The following ATP6V1B1 variants were observed in gnomAD, a reference collection of about 807,000 sequenced individuals.
The protein encoded by ATP6V1B1 is ATPase H+ transporting V1 subunit B1.
ATP6V1B1 carries 41 observed loss-of-function variants against 62.1 expected under a neutral mutation model. That is an observed-to-expected ratio of 0.66 (90% CI 0.51 to 0.86). The LOEUF (loss-of-function observed/expected upper bound fraction) is 0.86. Ranked by LOEUF, ATP6V1B1 falls within the 40% of genes least tolerant of loss-of-function variation. The pLI is 0.00. For synonymous variants in ATP6V1B1, 253 were observed against 273.4 expected, an observed-to-expected ratio of 0.93 and a Z score of 0.74; for missense variants, 651 against 697.5, an observed-to-expected ratio of 0.93 and a Z score of 0.75.
intron 2 of ATP6V1B1, among the ~76,000 whole-genome samples, chr2:70,944,409 C>T (rs1351659781): frequency 6.6e-6 from 1 of 152,086 alleles, no homozygotes; most frequent in Non-Finnish European, 1.5e-5. Flanking sequence ...GCCCCACTCC[C>T]TCAGCCTCCC....
chr2:70,940,991 A>AC, intron 1 of ATP6V1B1: 1 of 829,292 alleles, frequency 1.2e-6, no homozygotes, highest in Non-Finnish European at 1.4e-6. Context: ...ATCAGAGCTC[A>AC]CCGCAGCCTC....
At chr2:70,961,558 C>T (rs1553420102) in intron 7 of ATP6V1B1, 38 bp from the exon 8 acceptor site, 1 of 1,605,752 alleles carries the variant, frequency 6.2e-7, no homozygotes, top group Admixed American at 1.7e-5. Flanking sequence ...CCTCAGGCCA[C>T]AGGGCCCTAC....
intron 2 of ATP6V1B1, among the ~76,000 whole-genome samples, chr2:70,956,970 T>C (rs1419703679): frequency 6.6e-6 from 1 of 152,224 alleles, no homozygotes; most frequent in Non-Finnish European, 1.5e-5. Flanking sequence ...TAATAACTAT[T>C]GATGTTGAGT....
intron 11 of ATP6V1B1, chr2:70,964,180 T>G: frequency 2.3e-6 from 1 of 439,290 alleles, no homozygotes; most frequent in Non-Finnish European, 4.1e-6. Flanking sequence ...TTGTCCACAT[T>G]ATCAAAAGTT....
rs145090491 is a variant in ATP6V1B1 at position 70,962,797 on chromosome 2, C to A, written c.806C>A (p.Pro269Gln). The A allele has an allele frequency of 2.5e-6, 4 of 1,614,064 alleles. No individual in the cohort carries two copies. The South Asian group carries it at 3.3e-5, about 13-fold the overall frequency. ...NDPTIERIIT[P>Q]RLALTTAEFL... ...TCCAGGATCGAGCGGATCATCACCC[C>A]GCGCCTGGCGCTGACCACTGCTGAA... The change falls in exon 9 of 14, where the codon CCG (proline) becomes CAG (glutamine). Residue 269 changes from proline to glutamine, a missense_variant. Transcript: ENST00000234396.
At chr2:70,961,121 A>G in intron 7 of ATP6V1B1, 99 bp downstream of exon 7, 1 of 1,297,344 alleles carries the variant, frequency 7.7e-7, no homozygotes, top group East Asian at 2.6e-5. Context: ...GGAAGCCATC[A>G]GTGTCCCGGC....
rs1453472270 is a variant in ATP6V1B1, at chr2:70,944,249, C to A, written c.174+536C>A. 7.8e-6 allele frequency: 10 copies of A among 1,286,438 alleles called. No homozygotes were observed. The African/African-American group carries it at 1.4e-4, about 18-fold the overall frequency. The allele number at this position is 1,286,438 out of a possible 1,614,324, so 79.7% of individuals were successfully genotyped here. ...TGGGTGGTAAGTGAAGTGGGCCCCA[C>A]CAAAGGTAAGTGGGCTGTGGGCTAT... On this transcript the variant is annotated intron_variant, in intron 2 of 13. Coordinates refer to ENST00000234396, the MANE Select transcript of ATP6V1B1 (RefSeq NM_001692.4).
intron 1 of ATP6V1B1, 158 bp from the exon 2 acceptor site, chr2:70,943,500 A>C: frequency 1.3e-6 from 1 of 792,950 alleles, no homozygotes; most frequent in South Asian, 1.5e-5. Context: ...TGACCCTTAC[A>C]GCAATGGTGG....
At chr2:70,942,006 G>GA in intron 1 of ATP6V1B1, 1 of 1,053,182 alleles carries the variant, frequency 9.5e-7, no homozygotes, top group Middle Eastern at 4.4e-4. Flanking sequence ...AGGAACTGGA[G>GA]AAGGACTGGG....
intron 1 of ATP6V1B1, chr2:70,942,059 T>C (rs1166996525): frequency 7.0e-6 from 8 of 1,142,850 alleles, no homozygotes; most frequent in African/African-American, 3.2e-5. Context: ...CAGAGCTTCA[T>C]GGGAAGACAA....
intron 2 of ATP6V1B1, among the ~76,000 whole-genome samples, chr2:70,944,427 C>G (rs78665056): frequency 0.01 from 1,573 of 151,946 alleles, 20 homozygotes; most frequent in African/African-American, 0.036. Context: ...CCCACCCCAC[C>G]TCCTAGCTGA....
intron 2 of ATP6V1B1, among the ~76,000 whole-genome samples, chr2:70,950,010 AT>A (rs1311286378): frequency 3.9e-5 from 6 of 152,104 alleles, no homozygotes; most frequent in African/African-American, 9.6e-5. Flanking sequence ...TTATATTTAA[AT>A]TTTTTTTACA....
intron 2 of ATP6V1B1, among the ~76,000 whole-genome samples, chr2:70,957,101 T>G (rs1209651080): frequency 6.7e-6 from 1 of 149,936 alleles, no homozygotes; most frequent in Non-Finnish European, 1.5e-5. Flanking sequence ...TTTTTTTTTT[T>G]TTTTGGATGG....
At chr2:70,941,649 C>CT (rs761672565) in intron 1 of ATP6V1B1, 53 of 907,100 alleles carry the variant, frequency 5.8e-5, no homozygotes, top group Non-Finnish European at 6.7e-5. Context: ...TCATTTGTCA[C>CT]TTTCATTTGC....
At chr2:70,941,756 G>A (rs115098301) in intron 1 of ATP6V1B1, 46,697 of 985,876 alleles carry the variant, frequency 0.047, 1,261 homozygotes, top group South Asian at 0.11. Flanking sequence ...GAAAGGAGAG[G>A]AAGAAGTGGA....
Position 70,963,720 on chromosome 2 carries a change from A to C in ATP6V1B1, c.1143+66A>C, listed in dbSNP as rs1032052809. On this transcript the variant is annotated intron_variant, in intron 11 of 13. Coordinates refer to ENST00000234396, the MANE Select transcript of ATP6V1B1 (RefSeq NM_001692.4). This position sits in a 1 kb window ranked among gnomAD's most constrained non-coding sequence, Gnocchi z 4.3. ...AGAAACACTGAGGAACAGATGTTTC[A>C]CTGCCCCCAGGCATGAATTAGGAGG... The C allele has an allele frequency of 1.9e-6, 3 of 1,550,866 alleles. No individual in the cohort carries two copies. The highest frequency in any genetic ancestry group is 1.7e-5 in the Admixed American group (1 of 58,926).
intron 6 of ATP6V1B1, 138 bp downstream of exon 6, chr2:70,960,216 G>C: frequency 7.5e-7 from 1 of 1,327,290 alleles, no homozygotes; most frequent in Non-Finnish European, 1.0e-6. Context: ...GAGACTGGCA[G>C]CTGTCCCTGG....
chr2:70,964,390 C>A, intron 11 of ATP6V1B1, 48 bp from the exon 12 acceptor site: 1 of 1,594,474 alleles, frequency 6.3e-7, no homozygotes. Flanking sequence ...ACAGGGGGAG[C>A]AAAGCTTGAG....
chr2:70,964,225 G>A, intron 11 of ATP6V1B1: 1 of 483,104 alleles, frequency 2.1e-6, no homozygotes, highest in South Asian at 2.1e-5. Flanking sequence ...CTAATGCCAT[G>A]TCATCTTCCC....
Sources: allele counts gnomAD v4.1 joint callset (sites outside exome capture counted in the v4.1 genomes callset), GRCh38; gene constraint gnomAD v4.1.1; non-coding constraint Gnocchi (gnomAD v3.1); transcripts MANE v1.5; gene names NCBI Gene and HGNC (gene_info 2026-07-23, HGNC 2026-07-21).